TXNDC9: variants seen among roughly 807,000 people sequenced by gnomAD.
TXNDC9 encodes thioredoxin domain-containing protein 9.
TXNDC9 carries 7 observed loss-of-function variants against 23.0 expected under a neutral mutation model. The observed-to-expected ratio is 0.30, with a 90% confidence interval of 0.17 to 0.57. TXNDC9 has a LOEUF of 0.57. Ranked by LOEUF, TXNDC9 falls within the 20% of genes least tolerant of loss-of-function variation. The probability of loss-of-function intolerance (pLI) is 0.90; values close to 1 mark genes in which losing one functional copy is unlikely to be tolerated. For missense variants in TXNDC9, 198 were observed against 252.6 expected (o/e 0.78, Z 1.47); for synonymous variants, 72 against 90.6 (o/e 0.79, Z 1.17).
downstream of TXNDC9, among the ~76,000 whole-genome samples, chr2:99,316,799 C>A (rs184651694): frequency 1.9e-3 from 286 of 152,194 alleles, 7 homozygotes; most frequent in Admixed American, 0.019. Flanking sequence ...CTCTGTCGCC[C>A]AGGCTGGAGT....
chr2:99,327,577 C>T lies in TXNDC9; in HGVS notation c.266G>A (p.Ser89Asn). Residue 89 changes from serine (S) to asparagine (N), a missense_variant, in exon 3 of 5, where the codon AGT (serine) becomes AAT (asparagine). Physicochemically the swap from Ser to Asn is conservative, Grantham distance 46 (BLOSUM62 1). Transcript: ENST00000264255. Reference protein sequence around the residue: ...ERDFFQEVKESENVVCHFYRD... With the variant: ...ERDFFQEVKENENVVCHFYRD... ...GTAGAAATGGCAAACCACATTTTCA[C>T]TCTCCTTGACTTCTTGAAAAAAGTC... 2 of 1,613,628 alleles carry T rather than the reference C, an allele frequency of 1.2e-6. No homozygotes were observed. Among genetic ancestry groups the T allele is most frequent in the African/African-American group, 1.3e-5 (1 of 75,010 alleles).
chr2:99,334,448 C>G (rs908414198), intron 1 of TXNDC9, among the ~76,000 whole-genome samples: 2 of 152,230 alleles, frequency 1.3e-5, no homozygotes, highest in Non-Finnish European at 2.9e-5. Flanking sequence ...ACATTATAGA[C>G]TATTTACACA....
intron 3 of TXNDC9, among the ~76,000 whole-genome samples, chr2:99,325,289 T>C (rs2094210640): frequency 1.3e-5 from 2 of 152,176 alleles, no homozygotes; most frequent in African/African-American, 2.4e-5. Flanking sequence ...ATTAAAAAAA[T>C]AGCAATAGGC....
intron 3 of TXNDC9, among the ~76,000 whole-genome samples, chr2:99,327,201 T>C (rs1393919302): frequency 6.6e-6 from 1 of 152,104 alleles, no homozygotes; most frequent in Admixed American, 6.5e-5. Context: ...GCCTCCCCAG[T>C]AGCTGAGACT....
intron 3 of TXNDC9, among the ~76,000 whole-genome samples, chr2:99,324,469 T>C (rs143742275): frequency 1.3e-5 from 2 of 152,338 alleles, no homozygotes; most frequent in East Asian, 1.9e-4. Flanking sequence ...AATTAATAAA[T>C]GGTTTTTAAA....
the TXNDC9 span, among the ~76,000 whole-genome samples, chr2:99,308,315 CA>C: frequency 6.6e-6 from 1 of 152,164 alleles, no homozygotes; most frequent in East Asian, 1.9e-4. Flanking sequence ...GATTACAATC[CA>C]AATTCAGTGA....
chr2:99,333,246 G>T lies in TXNDC9; in HGVS notation c.-32-4C>A. On this transcript the variant is annotated splice_polypyrimidine_tract_variant and splice_region_variant and intron_variant, in intron 1 of 4. Transcript: ENST00000264255. ...GGTACAGAGTTCAGCCTGGGTGCTG[G>T]GGAGAAGATTTACAAAATACATTTT... The T allele has an allele frequency of 2.6e-6, 4 of 1,568,288 alleles. No homozygotes were observed. Among genetic ancestry groups the T allele is most frequent in the Non-Finnish European group, 3.4e-6 (4 of 1,160,028 alleles).
At chr2:99,314,950 C>T (rs2094185474), downstream of TXNDC9, among the ~76,000 whole-genome samples, 2 of 140,866 alleles carry the variant, frequency 1.4e-5, no homozygotes, top group Admixed American at 7.6e-5. Flanking sequence ...GGCTGCAGTG[C>T]AGTGGCATGA....
the TXNDC9 span, among the ~76,000 whole-genome samples, chr2:99,309,066 T>C: frequency 1.3e-5 from 2 of 151,576 alleles, no homozygotes; most frequent in African/African-American, 4.8e-5. Flanking sequence ...AATTAAAAAG[T>C]ACAAATAATA....
chr2:99,309,521 A>G, the TXNDC9 span, among the ~76,000 whole-genome samples: 4 of 151,938 alleles, frequency 2.6e-5, no homozygotes, highest in Admixed American at 2.6e-4. Flanking sequence ...TTAAAAAAAA[A>G]GAAAAGAAAA....
chr2:99,327,757 A>G (rs1357655348), intron 2 of TXNDC9, 104 bp from the exon 3 acceptor site: 4 of 663,354 alleles, frequency 6.0e-6, no homozygotes, highest in Non-Finnish European at 9.9e-6. Flanking sequence ...AATGAAGTCA[A>G]TTAAAAAAAA....
chr2:99,329,472 G>A (rs775540729), intron 2 of TXNDC9, among the ~76,000 whole-genome samples: 10 of 152,328 alleles, frequency 6.6e-5, no homozygotes, highest in Non-Finnish European at 1.3e-4. Flanking sequence ...TCCTCTGGAC[G>A]TCAGTGAACG....
chr2:99,331,738 T>C (rs1047857494), intron 2 of TXNDC9, among the ~76,000 whole-genome samples: 7 of 152,126 alleles, frequency 4.6e-5, no homozygotes, highest in Admixed American at 4.6e-4. Context: ...TCCTTCTCTT[T>C]TTTTGTGGGG....
chr2:99,324,470 G>T (rs2094209172), intron 3 of TXNDC9, among the ~76,000 whole-genome samples: 1 of 152,040 alleles, frequency 6.6e-6, no homozygotes, highest in Admixed American at 6.5e-5. Context: ...ATTAATAAAT[G>T]GTTTTTAAAT....
At chr2:99,313,402 G>C in the TXNDC9 span, among the ~76,000 whole-genome samples, 1 of 152,060 alleles carries the variant, frequency 6.6e-6, no homozygotes, top group Non-Finnish European at 1.5e-5. Flanking sequence ...TAGACATTTA[G>C]AATATGGTGA....
intron 1 of TXNDC9, among the ~76,000 whole-genome samples, 175 bp downstream of exon 1, chr2:99,336,064 A>C (rs1038295704): frequency 1.3e-5 from 2 of 152,254 alleles, no homozygotes; most frequent in Non-Finnish European, 2.9e-5. Context: ...AGGAAAGCAC[A>C]GTCCCGGTGG....
intron 3 of TXNDC9, among the ~76,000 whole-genome samples, chr2:99,323,600 A>G (rs544286609): frequency 6.6e-6 from 1 of 150,602 alleles, no homozygotes; most frequent in Admixed American, 6.6e-5. Flanking sequence ...GCTGGGCGTC[A>G]TGATGGGCAC....
At chr2:99,327,692 A>C (rs1274517165) in intron 2 of TXNDC9, 39 bp from the exon 3 acceptor site, 5 of 1,285,382 alleles carry the variant, frequency 3.9e-6, no homozygotes, top group Non-Finnish European at 5.6e-6. Context: ...CATGTGAGAT[A>C]TCTCTTTCAG....
At chr2:99,316,504 TTC>T (rs1363786118), downstream of TXNDC9, among the ~76,000 whole-genome samples, 1 of 152,142 alleles carries the variant, frequency 6.6e-6, no homozygotes, top group Admixed American at 6.6e-5. Flanking sequence ...TAGTTTTTTT[TTC>T]TGTTTTCAAG....
Sources: allele counts gnomAD v4.1 joint callset (sites outside exome capture counted in the v4.1 genomes callset), GRCh38; gene constraint gnomAD v4.1.1; transcripts MANE v1.5; gene names NCBI Gene and HGNC (gene_info 2026-07-23, HGNC 2026-07-21).